The following PVT1 variants were observed in gnomAD, a reference collection of about 807,000 sequenced individuals.
PVT1 encodes the protein Pvt1 oncogene.
intron 3 of PVT1, among the ~76,000 whole-genome samples, chr8:127,897,022 GC>G (rs1228874761): frequency 6.6e-6 from 1 of 152,156 alleles, no homozygotes; most frequent in Non-Finnish European, 1.5e-5. Flanking sequence ...GAAGATTGCA[GC>G]CCCCTCCTCC....
intron 2 of PVT1, among the ~76,000 whole-genome samples, chr8:127,835,495 A>G: frequency 6.6e-6 from 1 of 152,138 alleles, no homozygotes; most frequent in East Asian, 1.9e-4. Context: ...TACCCAGTGC[A>G]TGCGGGGCTT....
intron 2 of PVT1, among the ~76,000 whole-genome samples, chr8:127,827,695 T>G (rs560997169): frequency 6.6e-6 from 1 of 152,080 alleles, no homozygotes; most frequent in Non-Finnish European, 1.5e-5. Context: ...TGGAAAAATT[T>G]CCTTCCCCCT....
At chr8:127,986,562 C>T (rs146270436) in intron 3 of PVT1, among the ~76,000 whole-genome samples, 2 of 152,330 alleles carry the variant, frequency 1.3e-5, no homozygotes, top group East Asian at 3.9e-4. Flanking sequence ...TAGCACCTCC[C>T]ATCAGACCTT....
chr8:127,926,860 G>A (rs1323321576), intron 3 of PVT1, among the ~76,000 whole-genome samples: 2 of 152,206 alleles, frequency 1.3e-5, no homozygotes, highest in African/African-American at 4.8e-5. Flanking sequence ...GGGCTGGCCT[G>A]TTGAGTGTTT....
At chr8:127,947,150 T>G (rs1282075121) in intron 3 of PVT1, 2 of 153,290 alleles carry the variant, frequency 1.3e-5, no homozygotes, top group East Asian at 3.8e-4. Flanking sequence ...AATAAGTAGG[T>G]GAGTATTTTC....
rs1029849998 is a variant in PVT1, at chr8:127,932,322, C to T, written n.782+41324C>T. 1.5e-5 allele frequency: 6 copies of T among 398,176 alleles called. No homozygotes were observed. In the South Asian group the frequency reaches 8.0e-4, roughly 53 times the overall value. The allele number at this position is 398,176 out of a possible 1,614,324, so 24.7% of individuals were successfully genotyped here. ...GTCTGCTTTAGGTTTGATCTCCCTCCCTTCTGCCCCTCTCCTGGTAAAGGG... is the reference window on the plus strand; with the variant it reads ...GTCTGCTTTAGGTTTGATCTCCCTCTCTTCTGCCCCTCTCCTGGTAAAGGG... On this transcript the variant is annotated intron_variant and non_coding_transcript_variant, in intron 3 of 10. Transcript: ENST00000651587.
chr8:127,817,013 C>G (rs760660306), intron 2 of PVT1, among the ~76,000 whole-genome samples: 1 of 151,950 alleles, frequency 6.6e-6, no homozygotes, highest in Non-Finnish European at 1.5e-5. Context: ...GGTGTCCCCC[C>G]ACCCCCTCCC....
chr8:127,917,413 A>G (rs1815999991), intron 3 of PVT1, among the ~76,000 whole-genome samples: 1 of 152,212 alleles, frequency 6.6e-6, no homozygotes, highest in South Asian at 2.1e-4. Flanking sequence ...TGGTAGCAAT[A>G]AAGGAAACCA....
intron 2 of PVT1, among the ~76,000 whole-genome samples, chr8:127,889,067 C>A (rs1180737505): frequency 3.4e-5 from 5 of 148,266 alleles, no homozygotes; most frequent in East Asian, 2.0e-4. Context: ...TTCCTTCCTT[C>A]CTTCCTTCCT....
At chr8:128,003,775 G>A (rs1817214218) in intron 4 of PVT1, among the ~76,000 whole-genome samples, 1 of 152,210 alleles carries the variant, frequency 6.6e-6, no homozygotes, top group South Asian at 2.1e-4. Context: ...ACTGATGAGG[G>A]CATAGTCAAA....
intron 3 of PVT1, among the ~76,000 whole-genome samples, chr8:127,972,372 C>G (rs974734695): frequency 6.6e-6 from 1 of 152,104 alleles, no homozygotes; most frequent in Non-Finnish European, 1.5e-5. Context: ...ACAGGGTGTT[C>G]GATGGTTTCA....
chr8:128,077,248 T>C (rs1007392769), intron 5 of PVT1, among the ~76,000 whole-genome samples: 1 of 152,196 alleles, frequency 6.6e-6, no homozygotes, highest in Non-Finnish European at 1.5e-5. Context: ...ACTTTGTTTT[T>C]TGCCCCTACT....
chr8:127,901,412 G>A (rs767004971), intron 3 of PVT1, among the ~76,000 whole-genome samples: 4 of 152,150 alleles, frequency 2.6e-5, no homozygotes, highest in Non-Finnish European at 5.9e-5. Flanking sequence ...CCACAGCACA[G>A]GCACATTTTA....
intron 4 of PVT1, among the ~76,000 whole-genome samples, chr8:128,045,286 T>C (rs1813597645): frequency 6.6e-6 from 1 of 152,030 alleles, no homozygotes; most frequent in South Asian, 2.1e-4. Flanking sequence ...CCTTCTCTCA[T>C]TGAAAAAAAA....
intron 4 of PVT1, among the ~76,000 whole-genome samples, chr8:128,000,557 T>C (rs986359421): frequency 2.6e-5 from 4 of 152,218 alleles, no homozygotes; most frequent in Admixed American, 6.5e-5. Flanking sequence ...ATTATGGCCC[T>C]GAAAGTCTGC....
At chr8:127,921,171 G>C (rs1053674483) in intron 3 of PVT1, among the ~76,000 whole-genome samples, 5 of 152,154 alleles carry the variant, frequency 3.3e-5, no homozygotes, top group Admixed American at 2.6e-4. Context: ...GTGAGAGGCT[G>C]CATGAACCAC....
At chr8:128,028,257 C>T (rs1297918526) in intron 4 of PVT1, among the ~76,000 whole-genome samples, 2 of 152,266 alleles carry the variant, frequency 1.3e-5, no homozygotes, top group East Asian at 3.8e-4. Context: ...CTTTCTGGCT[C>T]CTGGGACCTG....
At chr8:127,880,451 G>C (rs929135199) in intron 2 of PVT1, among the ~76,000 whole-genome samples, 1 of 148,416 alleles carries the variant, frequency 6.7e-6, no homozygotes, top group Non-Finnish European at 1.5e-5. Flanking sequence ...CACCACGCCC[G>C]GCTAATTTTT....
intron 2 of PVT1, among the ~76,000 whole-genome samples, chr8:127,871,557 T>C (rs1014246154): frequency 1.3e-5 from 2 of 152,116 alleles, no homozygotes; most frequent in South Asian, 2.1e-4. Context: ...CAGAATCGGG[T>C]AAAGTATGTG....
Sources: allele counts gnomAD v4.1 joint callset (sites outside exome capture counted in the v4.1 genomes callset), GRCh38; gene constraint gnomAD v4.1.1; transcripts MANE v1.5; gene names NCBI Gene and HGNC (gene_info 2026-07-23, HGNC 2026-07-21).